Variants in ANKRD44 observed in about 807,000 individuals in gnomAD.
ANKRD44 encodes ankyrin repeat domain 44, also known as serine/threonine-protein phosphatase 6 regulatory ankyrin repeat subunit B.
In ANKRD44, 35 loss-of-function variants were observed where a neutral mutation model predicts 116.0. The observed-to-expected ratio is 0.30, with a 90% CI of 0.23 to 0.40. The LOEUF (loss-of-function observed/expected upper bound fraction) is 0.40. Among genes scored for constraint, ANKRD44 ranks in the 10% least tolerant of loss-of-function variants. The probability of loss-of-function intolerance (pLI) is 1.00; values close to 1 mark genes in which losing one functional copy is unlikely to be tolerated. For synonymous variants in ANKRD44, 435 were observed against 461.8 expected, an observed-to-expected ratio of 0.94 and a Z score of 0.74; for missense variants, 1,014 against 1,242.6, an observed-to-expected ratio of 0.82 and a Z score of 2.77.
At chr2:197,202,293 G>A (rs905443638) in intron 1 of ANKRD44, among the ~76,000 whole-genome samples, 4 of 152,116 alleles carry the variant, frequency 2.6e-5, no homozygotes, top group Non-Finnish European at 5.9e-5. Context: ...GTTACATAAC[G>A]GAGGGCAAGT....
At chr2:197,029,299 C>A in intron 16 of ANKRD44, 2 of 227,904 alleles carry the variant, frequency 8.8e-6, no homozygotes, top group Non-Finnish European at 8.7e-6. Flanking sequence ...TGTCCTGACA[C>A]ATGGTGTTTG....
intron 2 of ANKRD44, among the ~76,000 whole-genome samples, chr2:197,172,129 T>C (rs2080252549): frequency 1.3e-5 from 2 of 151,030 alleles, no homozygotes. Flanking sequence ...GCCTTCCAAA[T>C]AGCTGGGATT....
intron 17 of ANKRD44, chr2:197,015,823 G>A: frequency 7.8e-6 from 4 of 515,106 alleles, no homozygotes; most frequent in Non-Finnish European, 7.3e-6. Context: ...TTACAATGAA[G>A]GAGGAAACTT....
At chr2:197,105,218 A>G (rs1179961964) in intron 9 of ANKRD44, among the ~76,000 whole-genome samples, 3 of 151,934 alleles carry the variant, frequency 2.0e-5, no homozygotes, top group African/African-American at 7.3e-5. Flanking sequence ...GGTTCAAGTG[A>G]TTCTCCTGTC....
intron 25 of ANKRD44, among the ~76,000 whole-genome samples, chr2:196,996,799 G>C (rs2076020130): frequency 6.6e-6 from 1 of 151,414 alleles, no homozygotes; most frequent in Non-Finnish European, 1.5e-5. Flanking sequence ...AGCTACTCGG[G>C]TGGCTGAGGC....
intron 6 of ANKRD44, 41 bp from the exon 7 acceptor site, chr2:197,122,833 A>C (rs749976313): frequency 4.4e-6 from 7 of 1,595,468 alleles, no homozygotes; most frequent in African/African-American, 2.7e-5. Flanking sequence ...TAACCTTTAT[A>C]GGACAATTTG....
At chr2:197,124,876 CT>C (rs1440578401) in intron 6 of ANKRD44, among the ~76,000 whole-genome samples, 1 of 152,210 alleles carries the variant, frequency 6.6e-6, no homozygotes, top group African/African-American at 2.4e-5. Context: ...GGGCTGCAGG[CT>C]TCAGTTTTGT....
chr2:197,116,075 C>T (rs1008756709), intron 8 of ANKRD44, among the ~76,000 whole-genome samples: 1 of 152,156 alleles, frequency 6.6e-6, no homozygotes, highest in Non-Finnish European at 1.5e-5. Context: ...TGCTTTTCAG[C>T]TCCATTTGTG....
intron 16 of ANKRD44, among the ~76,000 whole-genome samples, chr2:197,036,001 A>G (rs1444740580): frequency 6.6e-6 from 1 of 152,068 alleles, no homozygotes; most frequent in South Asian, 2.1e-4. Context: ...CTCAGCCCCA[A>G]ATCAACTCTC....
chr2:197,159,959 T>G (rs1180700833), intron 2 of ANKRD44, among the ~76,000 whole-genome samples: 1 of 152,176 alleles, frequency 6.6e-6, no homozygotes, highest in African/African-American at 2.4e-5. Context: ...TGCTTCATCC[T>G]CCTCACAGCA....
At chr2:197,105,099 C>CT (rs1448285495) in intron 9 of ANKRD44, among the ~76,000 whole-genome samples, 1 of 151,594 alleles carries the variant, frequency 6.6e-6, no homozygotes, top group Non-Finnish European at 1.5e-5. Flanking sequence ...CAGTGGGGTT[C>CT]TTTTGTTGTT....
At chr2:197,160,496 T>C (rs2079933196) in intron 2 of ANKRD44, among the ~76,000 whole-genome samples, 2 of 152,160 alleles carry the variant, frequency 1.3e-5, no homozygotes. Context: ...CTCCATGAAG[T>C]AGTCAACCAT....
chr2:196,981,820 T>A (rs2075802852), downstream of ANKRD44, among the ~76,000 whole-genome samples: 1 of 151,886 alleles, frequency 6.6e-6, no homozygotes, highest in African/African-American at 2.4e-5. Context: ...AAATGAACTC[T>A]ATCTTGCCAA....
chr2:197,298,129 C>CA (rs2083778395), intron 1 of ANKRD44, among the ~76,000 whole-genome samples: 1 of 152,212 alleles, frequency 6.6e-6, no homozygotes, highest in Non-Finnish European at 1.5e-5. Flanking sequence ...ACTTCCTGTT[C>CA]AGGTAAGAAG....
At chr2:197,000,540 C>G (rs1290019482) in intron 22 of ANKRD44, 38 bp from the exon 23 acceptor site, 1 of 1,523,728 alleles carries the variant, frequency 6.6e-7, no homozygotes, top group African/African-American at 1.4e-5. Context: ...CAATCTCACT[C>G]TTTTAAATTA....
At chr2:197,011,739 C>T (rs2076305680) in intron 18 of ANKRD44, among the ~76,000 whole-genome samples, 1 of 152,146 alleles carries the variant, frequency 6.6e-6, no homozygotes, top group Non-Finnish European at 1.5e-5. Context: ...TTCCAAAGTG[C>T]TGGGATTACA....
intron 18 of ANKRD44, among the ~76,000 whole-genome samples, chr2:197,011,575 C>T (rs1038251780): frequency 6.6e-6 from 1 of 151,438 alleles, no homozygotes; most frequent in Non-Finnish European, 1.5e-5. Context: ...TGGGTTCAAG[C>T]GATTCTCCTG....
intron 2 of ANKRD44, among the ~76,000 whole-genome samples, chr2:197,163,099 T>C (rs2080010790): frequency 6.6e-6 from 1 of 152,216 alleles, no homozygotes; most frequent in African/African-American, 2.4e-5. Flanking sequence ...AGGCAGGGCT[T>C]GGCCTTGTTT....
intron 1 of ANKRD44, among the ~76,000 whole-genome samples, chr2:197,270,798 C>T (rs569968351): frequency 8.8e-4 from 134 of 152,216 alleles, no homozygotes; most frequent in Non-Finnish European, 1.6e-3. Context: ...ATGGAGGGAG[C>T]GGAGCCAGCT....
Sources: gnomAD v4.1 joint callset for allele counts (sites outside exome capture counted in the v4.1 genomes callset) on GRCh38, gnomAD v4.1.1 for gene constraint, MANE v1.5 for transcripts, NCBI Gene and HGNC (gene_info 2026-07-23, HGNC 2026-07-21) for gene names.